CCBE1: variants seen among roughly 807,000 people sequenced by gnomAD.
CCBE1 encodes the protein collagen and calcium binding EGF domains 1.
A neutral mutation model predicts 50.0 loss-of-function variants in CCBE1; 37 were observed. The observed-to-expected ratio is 0.74, with a 90% CI of 0.57 to 0.97. CCBE1 has a LOEUF of 0.97. Among genes scored for constraint, CCBE1 ranks in the 50% least tolerant of loss-of-function variants. The pLI is 0.00. For synonymous variants in CCBE1, 234 were observed against 203.7 expected (o/e 1.15, Z -1.27); for missense variants, 538 against 523.8 (o/e 1.03, Z -0.26).
intron 3 of CCBE1, among the ~76,000 whole-genome samples, chr18:59,473,311 T>A (rs1290056154): frequency 2.0e-5 from 3 of 152,212 alleles, no homozygotes; most frequent in African/African-American, 4.8e-5. Context: ...TCTTCCAGCT[T>A]TTCAATGCTG....
At chr18:59,582,145 T>A (rs1429919381) in intron 2 of CCBE1, among the ~76,000 whole-genome samples, 1 of 152,158 alleles carries the variant, frequency 6.6e-6, no homozygotes, top group African/African-American at 2.4e-5. Context: ...AAAGCTCTCT[T>A]CCTTCGTCTT....
chr18:59,638,055 G>A (rs1331032258), intron 2 of CCBE1, among the ~76,000 whole-genome samples: 3 of 152,144 alleles, frequency 2.0e-5, no homozygotes, highest in Non-Finnish European at 2.9e-5. Flanking sequence ...AGAATTTTAG[G>A]AACATAGATA....
intron 2 of CCBE1, among the ~76,000 whole-genome samples, chr18:59,495,174 T>G (rs1483204182): frequency 6.6e-6 from 1 of 152,076 alleles, no homozygotes; most frequent in African/African-American, 2.4e-5. Flanking sequence ...TTTCTTTTTT[T>G]CCCCTGAGGA....
intron 2 of CCBE1, among the ~76,000 whole-genome samples, chr18:59,537,287 A>T (rs1915289102): frequency 6.6e-6 from 1 of 152,160 alleles, no homozygotes; most frequent in African/African-American, 2.4e-5. Flanking sequence ...AAGCAAGGTG[A>T]CATATACTCA....
intron 6 of CCBE1, 59 bp downstream of exon 6, chr18:59,454,792 G>A: frequency 2.3e-6 from 3 of 1,328,664 alleles, no homozygotes; most frequent in Non-Finnish European, 2.2e-6. Context: ...CCTTCCACCT[G>A]GCCTTGGCCA....
chr18:59,485,755 C>G (rs12956178), intron 2 of CCBE1, among the ~76,000 whole-genome samples: 3 of 151,884 alleles, frequency 2.0e-5, no homozygotes, highest in African/African-American at 7.3e-5. Context: ...GGATTACAGG[C>G]GCCTGCCACC....
At chr18:59,517,684 G>A (rs887834348) in intron 2 of CCBE1, among the ~76,000 whole-genome samples, 4 of 152,124 alleles carry the variant, frequency 2.6e-5, no homozygotes, top group Non-Finnish European at 4.4e-5. Context: ...TCATTTATAA[G>A]CACCACTTAA....
At chr18:59,547,606 C>T (rs538070424) in intron 2 of CCBE1, among the ~76,000 whole-genome samples, 42 of 152,248 alleles carry the variant, frequency 2.8e-4, no homozygotes, top group South Asian at 2.7e-3. Flanking sequence ...ACTCCTGGGA[C>T]GTGGATCACA....
intron 2 of CCBE1, among the ~76,000 whole-genome samples, chr18:59,491,728 C>T (rs1455600368): frequency 6.6e-6 from 1 of 151,542 alleles, no homozygotes; most frequent in African/African-American, 2.4e-5. Context: ...GCAGGAGAAT[C>T]ACTTGAGCCC....
At chr18:59,599,564 C>G (rs962840404) in intron 2 of CCBE1, among the ~76,000 whole-genome samples, 3 of 152,168 alleles carry the variant, frequency 2.0e-5, no homozygotes, top group Non-Finnish European at 4.4e-5. Flanking sequence ...ACATTTCATT[C>G]CTGGCCATGA....
chr18:59,633,089 G>A (rs1010308027), intron 2 of CCBE1, among the ~76,000 whole-genome samples: 2 of 152,150 alleles, frequency 1.3e-5, no homozygotes, highest in African/African-American at 4.8e-5. Flanking sequence ...CCTTCCCTGG[G>A]CACAGCTCTC....
chr18:59,543,853 A>AC (rs1555690375), intron 2 of CCBE1, among the ~76,000 whole-genome samples: 5 of 150,046 alleles, frequency 3.3e-5, no homozygotes, highest in Non-Finnish European at 5.9e-5. Context: ...AAAAAAAAAA[A>AC]AAAAACAGAA....
intron 2 of CCBE1, among the ~76,000 whole-genome samples, chr18:59,564,284 C>A (rs2144462388): frequency 6.6e-6 from 1 of 152,292 alleles, no homozygotes; most frequent in East Asian, 1.9e-4. Context: ...CCTATCTAGA[C>A]AATCGTCATT....
At chr18:59,658,336 A>T (rs1189786022) in intron 2 of CCBE1, among the ~76,000 whole-genome samples, 2 of 31,854 alleles carry the variant, frequency 6.3e-5, no homozygotes, top group African/African-American at 2.5e-4. Context: ...AAAAAAAAAA[A>T]AAAAAAAAAA....
chr18:59,669,359 C>A (rs533214922), intron 2 of CCBE1, among the ~76,000 whole-genome samples: 5 of 152,198 alleles, frequency 3.3e-5, no homozygotes, highest in Non-Finnish European at 5.9e-5. Flanking sequence ...AACCTACTCC[C>A]ACCAGCCATC....
At chr18:59,609,519 A>AAG (rs1445000160) in intron 2 of CCBE1, among the ~76,000 whole-genome samples, 21 of 152,266 alleles carry the variant, frequency 1.4e-4, no homozygotes, top group African/African-American at 4.8e-4. Context: ...CCCTTACTTC[A>AAG]GTCTCCACAT....
chr18:59,466,780 CCAT>C lies in CCBE1; in HGVS notation c.509_511del (p.Asp170del). On this transcript the variant is annotated inframe_deletion, in exon 5 of 11. Transcript: ENST00000439986. ...TTTGTCTCCCCTGGTACATGTCTTC[CCAT>C]CATCTTCCCGGATGTAGCCTTCCCG... is the stretch of plus-strand genomic sequence containing the variant. 6.2e-7 allele frequency: 1 copy of C among 1,613,672 alleles called. No individual in the cohort carries two copies. The highest frequency in any genetic ancestry group is 8.5e-7 in the Non-Finnish European group (1 of 1,179,902).
intron 2 of CCBE1, among the ~76,000 whole-genome samples, chr18:59,695,251 G>T (rs892695972): frequency 1.1e-4 from 17 of 152,182 alleles, no homozygotes; most frequent in Admixed American, 3.9e-4. Flanking sequence ...AAGAAACACT[G>T]TGGTCGTGTG....
At chr18:59,685,996 G>C (rs143198965) in intron 2 of CCBE1, 1 of 152,304 alleles carries the variant, frequency 6.6e-6, no homozygotes. Flanking sequence ...ATCCTGGAGA[G>C]AGGCTCTGCA....
Sources: gnomAD v4.1 joint callset for allele counts (sites outside exome capture counted in the v4.1 genomes callset) on GRCh38, gnomAD v4.1.1 for gene constraint, MANE v1.5 for transcripts, NCBI Gene and HGNC (gene_info 2026-07-23, HGNC 2026-07-21) for gene names.